SMG6: variants seen among roughly 807,000 people sequenced by gnomAD.
The protein encoded by SMG6 is SMG6 nonsense mediated mRNA decay factor.
SMG6 carries 66 observed loss-of-function variants against 142.2 expected under a neutral mutation model. That is an observed-to-expected ratio of 0.46 (90% CI 0.38 to 0.57). The LOEUF (loss-of-function observed/expected upper bound fraction) is 0.57. SMG6 is among the 20% of genes least tolerant of loss of function. The pLI is 0.00. For missense variants in SMG6, 1,793 were observed against 1,832.0 expected, an observed-to-expected ratio of 0.98 and a Z score of 0.39; for synonymous variants, 779 against 702.4, an observed-to-expected ratio of 1.11 and a Z score of -1.72.
At chr17:2,219,529 G>A (rs151223773) in intron 10 of SMG6, among the ~76,000 whole-genome samples, 698 of 152,228 alleles carry the variant, frequency 4.6e-3, no homozygotes, top group Non-Finnish European at 7.2e-3. Context: ...GCTCATGCCT[G>A]TAATCCCAGC....
intron 12 of SMG6, among the ~76,000 whole-genome samples, chr17:2,185,270 C>T (rs2071941910): frequency 6.6e-6 from 1 of 152,072 alleles, no homozygotes; most frequent in African/African-American, 2.4e-5. Context: ...CAGAGGCAGA[C>T]ACACAGAACT....
At chr17:2,242,689 T>TAAAAAAAAAAAAAAA (rs57079220) in intron 9 of SMG6, among the ~76,000 whole-genome samples, 14 of 55,840 alleles carry the variant, frequency 2.5e-4, no homozygotes, top group South Asian at 8.3e-4. Context: ...TCCATCTCTT[T>TAAAAAAAAAAAAAAA]AAAAAAAAAA....
intron 13 of SMG6, chr17:2,088,732 T>C (rs1030546845): frequency 1.7e-5 from 17 of 985,244 alleles, no homozygotes; most frequent in East Asian, 1.1e-4. Flanking sequence ...AGCTCTTTAG[T>C]AGATGGAGAA....
At chr17:2,198,079 C>T (rs572586397) in intron 10 of SMG6, among the ~76,000 whole-genome samples, 4 of 152,116 alleles carry the variant, frequency 2.6e-5, no homozygotes, top group Non-Finnish European at 2.9e-5. Context: ...AGAAACAACC[C>T]AAATGTCTTT....
At chr17:2,069,674 C>G (rs905496487) in intron 15 of SMG6, among the ~76,000 whole-genome samples, 1 of 152,224 alleles carries the variant, frequency 6.6e-6, no homozygotes, top group African/African-American at 2.4e-5. Flanking sequence ...ATACTGACAG[C>G]TAATAATACG....
rs1415733870 is a variant in SMG6, at chr17:2,071,997, G to C, written c.3682-3066C>G. On this transcript the variant is annotated intron_variant, in intron 15 of 18. Coordinates refer to ENST00000263073, the MANE Select transcript of SMG6 (RefSeq NM_017575.5). This position sits in a 1 kb window ranked among gnomAD's most constrained non-coding sequence, Gnocchi z 5.6. ...CCCATTCCGATCTCTGGGTCGCACG[G>C]TAAGAGGAGGACACAGGATGCGCAG... is the stretch of plus-strand genomic sequence containing the variant. 1 of 152,216 alleles carries C rather than the reference G, an allele frequency of 6.6e-6. No individual in the cohort carries two copies. The highest frequency in any genetic ancestry group is 1.5e-5 in the Non-Finnish European group (1 of 68,064). The allele number at this position is 152,216 out of a possible 1,614,324, so 9.4% of individuals were successfully genotyped here.
At chr17:2,070,617 TCTGTGAC>T (rs1302495428) in intron 15 of SMG6, among the ~76,000 whole-genome samples, 1 of 152,214 alleles carries the variant, frequency 6.6e-6, no homozygotes, top group Non-Finnish European at 1.5e-5. Context: ...GGGTGGCTTC[TCTGTGAC>T]CTGCCAGGGA....
chr17:2,086,012 G>T, intron 13 of SMG6, 111 bp from the exon 14 acceptor site: 2 of 1,107,528 alleles, frequency 1.8e-6, no homozygotes, highest in Non-Finnish European at 2.7e-6. Flanking sequence ...AAGCTACCAG[G>T]CAAGGGGGTC....
chr17:2,222,749 A>G (rs887944462), intron 10 of SMG6, among the ~76,000 whole-genome samples: 3 of 152,290 alleles, frequency 2.0e-5, no homozygotes, highest in Non-Finnish European at 1.5e-5. Flanking sequence ...AGGAGTTTCA[A>G]GACTTTCTTT....
chr17:2,193,545 A>T (rs1447002938), intron 10 of SMG6, among the ~76,000 whole-genome samples: 1 of 152,188 alleles, frequency 6.6e-6, no homozygotes, highest in African/African-American at 2.4e-5. Context: ...AAAGTAGGGA[A>T]ATATGGGGGC....
At chr17:2,253,901 C>T (rs1052825084) in intron 8 of SMG6, among the ~76,000 whole-genome samples, 4 of 152,156 alleles carry the variant, frequency 2.6e-5, no homozygotes, top group African/African-American at 9.7e-5. Context: ...AAACAGAACA[C>T]ACCCAAGCCC....
chr17:2,241,497 T>C (rs1046143463), intron 9 of SMG6, among the ~76,000 whole-genome samples: 1 of 152,230 alleles, frequency 6.6e-6, no homozygotes, highest in Non-Finnish European at 1.5e-5. Context: ...CTTAATGTTT[T>C]TCAAAATTAA....
chr17:2,237,408 CA>C (rs1287075981), intron 9 of SMG6: 2 of 614,144 alleles, frequency 3.3e-6, no homozygotes. Context: ...GGTAACCAGA[CA>C]TAGTTCTGCT....
rs148320035 is a variant in SMG6 at position 2,163,399 on chromosome 17, C to T, written c.3357+9259G>A. Among the ~76,000 whole-genome samples the T allele has an allele frequency of 2.8e-3, 423 of 151,094 alleles. 7 individuals are homozygous for T. The highest frequency in any genetic ancestry group is 6.9e-4 in the Non-Finnish European group (47 of 67,700). On this transcript the variant is annotated intron_variant, in intron 13 of 18. Coordinates refer to ENST00000263073, the MANE Select transcript of SMG6 (RefSeq NM_017575.5). ...GATGCTGTGTTTCCCAGGCTGGTCT[C>T]GAACTCCTGGGCTCAGGTGATCCTC...
intron 10 of SMG6, among the ~76,000 whole-genome samples, chr17:2,208,476 A>G (rs2072754581): frequency 6.6e-6 from 1 of 152,234 alleles, no homozygotes; most frequent in Non-Finnish European, 1.5e-5. Flanking sequence ...AGGGGTCCAC[A>G]GCGCAGACCC....
intron 10 of SMG6, among the ~76,000 whole-genome samples, chr17:2,218,384 C>T (rs1301158470): frequency 1.3e-5 from 2 of 152,040 alleles, no homozygotes; most frequent in Non-Finnish European, 2.9e-5. Flanking sequence ...CCCGTCTCTA[C>T]TAAAAATACA....
At chr17:2,206,591 T>C (rs1424408663) in intron 10 of SMG6, among the ~76,000 whole-genome samples, 2 of 150,974 alleles carry the variant, frequency 1.3e-5, no homozygotes, top group African/African-American at 4.9e-5. Context: ...AAAAAAATAA[T>C]AAAATTTGGC....
chr17:2,272,395 C>T (rs760962487), intron 8 of SMG6, among the ~76,000 whole-genome samples: 1 of 152,200 alleles, frequency 6.6e-6, no homozygotes, highest in African/African-American at 2.4e-5. Flanking sequence ...TTCCACAGTA[C>T]CCAATACATA....
intron 10 of SMG6, among the ~76,000 whole-genome samples, chr17:2,235,424 C>G (rs746506596): frequency 6.6e-6 from 1 of 152,128 alleles, no homozygotes; most frequent in African/African-American, 2.4e-5. Context: ...ATATTCACTC[C>G]CCCACCACAA....
Sources: allele counts gnomAD v4.1 joint callset (sites outside exome capture counted in the v4.1 genomes callset), GRCh38; gene constraint gnomAD v4.1.1; non-coding constraint Gnocchi (gnomAD v3.1); transcripts MANE v1.5; gene names NCBI Gene and HGNC (gene_info 2026-07-23, HGNC 2026-07-21).